The following CDH2 variants were observed in gnomAD, a reference collection of about 807,000 sequenced individuals.
CDH2 encodes the protein cadherin-2.
Under a neutral mutation model 92.0 loss-of-function variants are expected in CDH2, and 17 were observed. The ratio of observed to expected loss-of-function variants is 0.18; its 90% CI spans 0.13 to 0.28. CDH2 has a LOEUF of 0.28. Ranked by LOEUF, CDH2 falls within the 10% of genes least tolerant of loss-of-function variation. The pLI is 1.00. For synonymous variants in CDH2, 419 were observed against 415.9 expected, an observed-to-expected ratio of 1.01 and a Z score of -0.09; for missense variants, 862 against 1,133.1, an observed-to-expected ratio of 0.76 and a Z score of 3.44.
At chr18:28,000,011 G>A (rs2012716050) in intron 7 of CDH2, among the ~76,000 whole-genome samples, 1 of 151,994 alleles carries the variant, frequency 6.6e-6, no homozygotes, top group East Asian at 1.9e-4. Context: ...CATGATTGTA[G>A]GCTTCCTGAG....
chr18:28,027,453 T>C (rs1273156829), intron 2 of CDH2, among the ~76,000 whole-genome samples: 1 of 152,132 alleles, frequency 6.6e-6, no homozygotes, highest in African/African-American at 2.4e-5. Context: ...CATGTCATAT[T>C]TAACTAACAT....
chr18:28,055,770 T>C (rs994395647), intron 2 of CDH2, among the ~76,000 whole-genome samples: 7 of 152,176 alleles, frequency 4.6e-5, no homozygotes, highest in African/African-American at 1.7e-4. Context: ...ATCCTGTTTT[T>C]GTATGGTGCA....
At chr18:28,140,035 A>C (rs1411197255) in intron 2 of CDH2, among the ~76,000 whole-genome samples, 1 of 152,010 alleles carries the variant, frequency 6.6e-6, no homozygotes, top group Non-Finnish European at 1.5e-5. Flanking sequence ...ACATGTAGTC[A>C]TCCCTGAACC....
chr18:28,038,762 T>A (rs1017787543), intron 2 of CDH2, among the ~76,000 whole-genome samples: 2 of 152,172 alleles, frequency 1.3e-5, no homozygotes, highest in African/African-American at 4.8e-5. Flanking sequence ...TTTCTCCTTA[T>A]TGAATTTATT....
chr18:28,025,355 TA>T (rs1262725650), intron 2 of CDH2, among the ~76,000 whole-genome samples: 2 of 151,816 alleles, frequency 1.3e-5, no homozygotes, highest in Non-Finnish European at 2.9e-5. Flanking sequence ...CAGTTTCTAC[TA>T]AAATACAAAA....
intron 2 of CDH2, among the ~76,000 whole-genome samples, chr18:28,136,591 T>C (rs1332188662): frequency 1.3e-5 from 2 of 152,156 alleles, no homozygotes; most frequent in Non-Finnish European, 2.9e-5. Context: ...GTTTCTTCAG[T>C]ATCTGTTTTA....
chr18:27,994,365 T>G (rs895455965), intron 7 of CDH2, among the ~76,000 whole-genome samples: 9 of 152,200 alleles, frequency 5.9e-5, no homozygotes, highest in Middle Eastern at 3.2e-3. Context: ...TATTGATACA[T>G]TTACATGTAG....
chr18:27,938,018 G>A (rs751228780), intron 6 of CDH2, among the ~76,000 whole-genome samples: 1 of 152,052 alleles, frequency 6.6e-6, no homozygotes, highest in Non-Finnish European at 1.5e-5. Flanking sequence ...GATCGTGGGG[G>A]TGGTTTCTCA....
At chr18:27,967,887 C>G (rs568923338) in intron 14 of CDH2, among the ~76,000 whole-genome samples, 1 of 152,062 alleles carries the variant, frequency 6.6e-6, no homozygotes, top group Non-Finnish European at 1.5e-5. Flanking sequence ...GGTTATGCTA[C>G]AATAAAATAA....
At chr18:28,131,683 G>GGTGTGTGTGTGTGTGTGT (rs33990872) in intron 2 of CDH2, among the ~76,000 whole-genome samples, 42 of 150,194 alleles carry the variant, frequency 2.8e-4, no homozygotes, top group Non-Finnish European at 3.6e-4. Flanking sequence ...AAGCATTTGT[G>GGTGTGTGTGTGTGTGTGT]GTGTGTGTGT....
intron 2 of CDH2, among the ~76,000 whole-genome samples, chr18:28,016,418 T>G (rs1330224482): frequency 6.6e-6 from 1 of 152,162 alleles, no homozygotes; most frequent in Non-Finnish European, 1.5e-5. Flanking sequence ...CAGCCTACTA[T>G]AGTAACATCT....
downstream of CDH2, among the ~76,000 whole-genome samples, chr18:27,946,801 G>C (rs1909277723): frequency 1.3e-5 from 2 of 151,884 alleles, no homozygotes; most frequent in African/African-American, 4.8e-5. Context: ...GACCAAGTAG[G>C]TTTATTCCAG....
At chr18:28,020,319 A>AT (rs1347802878) in intron 2 of CDH2, among the ~76,000 whole-genome samples, 2 of 152,074 alleles carry the variant, frequency 1.3e-5, no homozygotes, top group African/African-American at 4.8e-5. Flanking sequence ...TAAGTTATAT[A>AT]TTTTTTAGTT....
At chr18:27,964,106 A>AG (rs1294018191) in intron 14 of CDH2, among the ~76,000 whole-genome samples, 2 of 152,204 alleles carry the variant, frequency 1.3e-5, no homozygotes, top group African/African-American at 2.4e-5. Context: ...AATGTGCTAC[A>AG]GGGAATATAT....
chr18:28,032,175 T>A (rs993840722), intron 2 of CDH2, among the ~76,000 whole-genome samples: 1 of 152,110 alleles, frequency 6.6e-6, no homozygotes, highest in African/African-American at 2.4e-5. Context: ...GCGCTGGAAT[T>A]TCTTGCACAA....
At chr18:28,060,376 G>A (rs1391099261) in intron 2 of CDH2, among the ~76,000 whole-genome samples, 4 of 152,010 alleles carry the variant, frequency 2.6e-5, no homozygotes, top group Non-Finnish European at 5.9e-5. Flanking sequence ...TAGTAGAGAC[G>A]AGGTTTCACC....
chr18:28,060,095 T>TA (rs2014372254), intron 2 of CDH2, among the ~76,000 whole-genome samples: 1 of 152,116 alleles, frequency 6.6e-6, no homozygotes, highest in South Asian at 2.1e-4. Context: ...GCATAACAGA[T>TA]AGTCTTCCTT....
At chr18:28,035,079 G>A (rs1004663805) in intron 2 of CDH2, among the ~76,000 whole-genome samples, 2 of 152,034 alleles carry the variant, frequency 1.3e-5, no homozygotes, top group African/African-American at 4.8e-5. Flanking sequence ...TGCTCCTCAG[G>A]AAAGATTAAC....
intron 15 of CDH2, among the ~76,000 whole-genome samples, chr18:27,962,978 A>C (rs2011446668): frequency 6.6e-6 from 1 of 152,208 alleles, no homozygotes; most frequent in African/African-American, 2.4e-5. Flanking sequence ...TGTGAGGAAA[A>C]TTAAAGTGAA....
Sources: allele counts gnomAD v4.1 joint callset (sites outside exome capture counted in the v4.1 genomes callset), GRCh38; gene constraint gnomAD v4.1.1; transcripts MANE v1.5; gene names NCBI Gene and HGNC (gene_info 2026-07-23, HGNC 2026-07-21).